The following PICALM variants were observed in gnomAD, a reference collection of about 807,000 sequenced individuals.
PICALM encodes the protein phosphatidylinositol binding clathrin assembly protein.
PICALM carries 40 observed loss-of-function variants against 80.5 expected under a neutral mutation model. The ratio of observed to expected loss-of-function variants is 0.50; its 90% confidence interval spans 0.39 to 0.65. The LOEUF is 0.65. Ranked by LOEUF, PICALM falls within the 30% of genes least tolerant of loss-of-function variation. The pLI is 0.00. For synonymous variants in PICALM, 288 were observed against 260.3 expected (o/e 1.11, Z -1.02); for missense variants, 676 against 778.9 (o/e 0.87, Z 1.57).
intron 1 of PICALM, among the ~76,000 whole-genome samples, chr11:86,053,775 C>T (rs1279221169): frequency 1.3e-5 from 2 of 151,996 alleles, no homozygotes; most frequent in African/African-American, 2.4e-5. Flanking sequence ...ACTATGTCAC[C>T]CAGGCTGGTC....
In PICALM at chr11:86,001,019, G is replaced by A. The variant is rs374893637; in HGVS notation, c.1017+16C>T. The A allele has an allele frequency of 1.1e-5, 18 of 1,613,436 alleles. No individual in the cohort carries two copies. The highest frequency in any genetic ancestry group is 1.5e-5 in the Non-Finnish European group (18 of 1,179,684). ...CTGTACTCATTTTTCGAAATAAGGAGAATGCACAAACTTACCTTTAAAGCT... is the reference window on the plus strand; with the variant it reads ...CTGTACTCATTTTTCGAAATAAGGAAAATGCACAAACTTACCTTTAAAGCT... On this transcript the variant is annotated intron_variant, in intron 10 of 19. Coordinates refer to ENST00000393346, the MANE Select transcript of PICALM (RefSeq NM_007166.4).
rs1488953936 is a variant in PICALM at position 86,061,980 on chromosome 11, G to A, written c.130+6671C>T. Among the ~76,000 whole-genome samples the A allele has an allele frequency of 4.6e-5, 7 of 151,922 alleles. No homozygotes were observed. The East Asian group carries it at 9.6e-4, about 21-fold the overall frequency. On this transcript the variant is annotated intron_variant, in intron 1 of 19. Transcript: ENST00000393346. The stretch of plus-strand genomic sequence containing the variant: ...AAAAGCCATTGAGGAAATCGTAAAC[G>A]CATATTAGTACGTGAAAAAAGAAAA...
intron 12 of PICALM, among the ~76,000 whole-genome samples, chr11:85,990,993 T>C (rs747848597): frequency 7.9e-5 from 12 of 152,198 alleles, no homozygotes; most frequent in Admixed American, 1.3e-4. Context: ...GCGAACACCT[T>C]TGAATGTCTA....
chr11:86,001,246 T>C (rs1362281334), intron 9 of PICALM, 88 bp from the exon 10 acceptor site: 2 of 1,214,830 alleles, frequency 1.6e-6, no homozygotes, highest in Non-Finnish European at 2.4e-6. Flanking sequence ...AACCTTGCCA[T>C]GGATAGGCAC....
chr11:85,979,851 A>T (rs1321359509), intron 17 of PICALM, among the ~76,000 whole-genome samples: 1 of 152,168 alleles, frequency 6.6e-6, no homozygotes, highest in Non-Finnish European at 1.5e-5. Context: ...AATGCTTCAA[A>T]CTTTTCCACA....
chr11:86,049,384 G>GT (rs1457208397), intron 1 of PICALM, among the ~76,000 whole-genome samples: 10 of 152,108 alleles, frequency 6.6e-5, no homozygotes, highest in African/African-American at 2.4e-4. Flanking sequence ...TTGATATTCA[G>GT]TTTTAACACA....
chr11:86,068,820 G>A lies in PICALM; in HGVS notation c.-40C>T, dbSNP rs2137968751. ...CACCACCCCACCCGCTCAGCAGCCG[G>A]CGGGGACTGGGACCCCCAAGAGCCG... is the stretch of plus-strand genomic sequence containing the variant. On this transcript the variant is annotated 5_prime_UTR_variant, in exon 1 of 20. Coordinates refer to ENST00000393346, the MANE Select transcript of PICALM (RefSeq NM_007166.4). The A allele has an allele frequency of 5.1e-6, 8 of 1,562,518 alleles. No homozygotes were observed. Among genetic ancestry groups the A allele is most frequent in the Non-Finnish European group, 6.9e-6 (8 of 1,158,408 alleles).
intron 1 of PICALM, among the ~76,000 whole-genome samples, chr11:86,063,343 T>C (rs916363762): frequency 1.4e-5 from 2 of 146,230 alleles, no homozygotes; most frequent in Non-Finnish European, 3.0e-5. Context: ...TTAAAAATTA[T>C]CCAGATATAT....
Position 86,068,989 on chromosome 11 carries a change from G to A in PICALM, c.-209C>T. 1.7e-6 allele frequency: 1 copy of A among 601,990 alleles called. No individual in the cohort carries two copies. The highest frequency in any genetic ancestry group is 2.8e-6 in the Non-Finnish European group (1 of 352,780). The allele number at this position is 601,990 out of a possible 1,614,324, so 37.3% of individuals were successfully genotyped here. ...ACCCGCGGAGTCGGACAAGATGTCG[G>A]GCACTCCCTTGCCCCCGCCTCAGTT... On this transcript the variant is annotated 5_prime_UTR_variant, in exon 1 of 20. Transcript: ENST00000393346.
chr11:85,959,633 C>CAAAAAAAA lies in PICALM; in HGVS notation c.1945-581_1945-574dup, dbSNP rs1161064257. Among the ~76,000 whole-genome samples the CAAAAAAAA allele has an allele frequency of 3.1e-4, 14 of 45,188 alleles. 3 individuals carry two copies. In the East Asian group the frequency reaches 8.7e-3, roughly 28 times the overall value. The allele number at this position is 45,188 out of a possible 152,430, so 29.6% of individuals were successfully genotyped here. On this transcript the variant is annotated intron_variant, in intron 19 of 19. Coordinates refer to ENST00000393346, the MANE Select transcript of PICALM (RefSeq NM_007166.4). ...GGGAGACAAGAGCGAAACTCCATCT[C>CAAAAAAAA]AAAAAAAAAAAAAAAAAAAAAAAGC...
intron 12 of PICALM, among the ~76,000 whole-genome samples, chr11:85,990,658 G>A (rs560481338): frequency 1.3e-5 from 2 of 152,088 alleles, no homozygotes; most frequent in Non-Finnish European, 2.9e-5. Flanking sequence ...GTTAAAAAAT[G>A]GAATAATAAC....
At chr11:86,008,969 A>G (rs1393091047) in intron 7 of PICALM, among the ~76,000 whole-genome samples, 3 of 149,012 alleles carry the variant, frequency 2.0e-5, no homozygotes, top group African/African-American at 7.4e-5. Context: ...AAAAAAAAAG[A>G]AAAAAAGCGT....
At chr11:86,030,691 G>A (rs777122475) in intron 2 of PICALM, among the ~76,000 whole-genome samples, 10 of 152,150 alleles carry the variant, frequency 6.6e-5, no homozygotes, top group Admixed American at 2.0e-4. Context: ...GGCAACAAAG[G>A]CTTCAGACAC....
At chr11:86,005,577 T>C (rs962097069) in intron 8 of PICALM, among the ~76,000 whole-genome samples, 11 of 152,040 alleles carry the variant, frequency 7.2e-5, no homozygotes, top group Admixed American at 3.9e-4. Context: ...TGGTGGCATA[T>C]GCCTGTGGTC....
intron 1 of PICALM, among the ~76,000 whole-genome samples, chr11:86,042,615 A>G (rs1245654199): frequency 6.6e-6 from 1 of 151,088 alleles, no homozygotes. Context: ...CATGCTAAGA[A>G]CTTACTAACT....
rs59672357 is a variant in PICALM at position 85,982,423 on chromosome 11, C to CTTTT, written c.1517-424_1517-421dup. On this transcript the variant is annotated intron_variant, in intron 14 of 19. Coordinates refer to ENST00000393346, the MANE Select transcript of PICALM (RefSeq NM_007166.4). ...ACGTTAAGAAATAAGATTTTATAGA[C>CTTTT]TTTTTTTTTTTTTTTGAGACGGAGT... 1.3e-4 allele frequency among the ~76,000 whole-genome samples: 9 copies of CTTTT among 70,172 alleles called. 1 individual carries two copies. Among genetic ancestry groups the CTTTT allele is most frequent in the African/African-American group, 4.5e-4 (7 of 15,470 alleles). 46.0% of individuals were successfully genotyped at this position (70,172 alleles called of 152,430 possible).
At chr11:86,020,603 C>T (rs189974792) in intron 4 of PICALM, among the ~76,000 whole-genome samples, 107 of 152,124 alleles carry the variant, frequency 7.0e-4, no homozygotes, top group African/African-American at 2.5e-3. Context: ...AACTCATCTT[C>T]AACAAGGTAC....
At chr11:86,011,653 C>T (rs568102980) in intron 6 of PICALM, among the ~76,000 whole-genome samples, 51 of 152,086 alleles carry the variant, frequency 3.4e-4, no homozygotes, top group African/African-American at 1.2e-3. Context: ...GCCAAATTTC[C>T]CTATCCCTAT....
chr11:86,005,507 C>A (rs2095256901), intron 8 of PICALM, among the ~76,000 whole-genome samples: 1 of 151,976 alleles, frequency 6.6e-6, no homozygotes, highest in Non-Finnish European at 1.5e-5. Flanking sequence ...TGTTTGAGAC[C>A]AGCCTGCGGA....
Sources: gnomAD v4.1 joint callset for allele counts (sites outside exome capture counted in the v4.1 genomes callset) on GRCh38, gnomAD v4.1.1 for gene constraint, MANE v1.5 for transcripts, NCBI Gene and HGNC (gene_info 2026-07-23, HGNC 2026-07-21) for gene names.